GPR158: variants seen among roughly 807,000 people sequenced by gnomAD.
GPR158 encodes the protein G protein-coupled receptor 158, also known as metabotropic glycine receptor.
In GPR158, 30 loss-of-function variants were observed where a neutral mutation model predicts 78.2. The observed-to-expected ratio is 0.38, with a 90% CI of 0.29 to 0.52. The LOEUF (loss-of-function observed/expected upper bound fraction) is 0.52. Among genes scored for constraint, GPR158 ranks in the 20% least tolerant of loss-of-function variants. GPR158 has a pLI of 0.83. For missense variants in GPR158, 1,463 were observed against 1,523.5 expected, an observed-to-expected ratio of 0.96 and a Z score of 0.66; for synonymous variants, 581 against 591.1, an observed-to-expected ratio of 0.98 and a Z score of 0.25.
chr10:25,450,525 A>G (rs1451870592), intron 4 of GPR158, among the ~76,000 whole-genome samples: 2 of 150,526 alleles, frequency 1.3e-5, no homozygotes, highest in Non-Finnish European at 3.0e-5. Flanking sequence ...ACCTTCACTT[A>G]TCTTGCTTCC....
At chr10:25,360,985 G>T (rs1855630870) in intron 2 of GPR158, among the ~76,000 whole-genome samples, 1 of 151,876 alleles carries the variant, frequency 6.6e-6, no homozygotes, top group Admixed American at 6.6e-5. Context: ...CACATCCCTT[G>T]TAAGTGCGTT....
intron 2 of GPR158, among the ~76,000 whole-genome samples, chr10:25,386,002 G>A (rs1215658336): frequency 4.6e-5 from 7 of 152,116 alleles, no homozygotes; most frequent in East Asian, 1.9e-4. Context: ...TTTGTTGGTT[G>A]TGGATTTGAT....
intron 2 of GPR158, among the ~76,000 whole-genome samples, chr10:25,309,999 T>C (rs1854740595): frequency 6.6e-6 from 1 of 152,212 alleles, no homozygotes; most frequent in Non-Finnish European, 1.5e-5. Context: ...GAATCAAATG[T>C]CATGAAGCTA....
intron 4 of GPR158, among the ~76,000 whole-genome samples, chr10:25,436,219 A>C (rs2130583045): frequency 6.6e-6 from 1 of 152,364 alleles, no homozygotes; most frequent in Admixed American, 6.5e-5. Flanking sequence ...TGTATACTAA[A>C]GCATTATTTG....
intron 6 of GPR158, among the ~76,000 whole-genome samples, chr10:25,565,735 T>C (rs1836920744): frequency 6.6e-6 from 1 of 152,198 alleles, no homozygotes; most frequent in Admixed American, 6.5e-5. Flanking sequence ...CCGAGAGGCA[T>C]TTCAGCTCTA....
intron 2 of GPR158, among the ~76,000 whole-genome samples, chr10:25,344,817 A>G (rs1241959209): frequency 1.3e-5 from 2 of 151,956 alleles, no homozygotes; most frequent in Non-Finnish European, 2.9e-5. Context: ...AACAACAGAA[A>G]TTTATTTCTT....
intron 2 of GPR158, among the ~76,000 whole-genome samples, chr10:25,303,287 G>C (rs1460652052): frequency 6.6e-5 from 10 of 152,172 alleles, no homozygotes; most frequent in African/African-American, 2.2e-4. Context: ...TAGCTGCAGT[G>C]GCTTTTGGCT....
chr10:25,224,979 C>A (rs929454344), intron 2 of GPR158, among the ~76,000 whole-genome samples: 3 of 152,032 alleles, frequency 2.0e-5, no homozygotes, highest in African/African-American at 7.2e-5. Flanking sequence ...TAGATTTTGG[C>A]AACAAAAACC....
chr10:25,547,228 C>T (rs538110309), intron 5 of GPR158, among the ~76,000 whole-genome samples: 21 of 152,212 alleles, frequency 1.4e-4, no homozygotes, highest in African/African-American at 4.3e-4. Flanking sequence ...TATGCTCTTC[C>T]GTGCTGTAGC....
chr10:25,483,916 T>A (rs936709601), intron 5 of GPR158, among the ~76,000 whole-genome samples: 1 of 152,214 alleles, frequency 6.6e-6, no homozygotes, highest in East Asian at 1.9e-4. Flanking sequence ...TTGTTGAATT[T>A]CAATATAATT....
At chr10:25,495,021 G>A (rs1451399805) in intron 5 of GPR158, among the ~76,000 whole-genome samples, 2 of 152,042 alleles carry the variant, frequency 1.3e-5, no homozygotes, top group East Asian at 3.9e-4. Context: ...TGTAGTAATG[G>A]AAAGCAGTAG....
At position 25,384,599 on chromosome 10, in the gene GPR158, CTT is replaced by C. The variant is rs534974945; in HGVS notation, c.1009-11310_1009-11309del. On this transcript the variant is annotated intron_variant, in intron 2 of 10. Coordinates refer to ENST00000376351, the MANE Select transcript of GPR158 (RefSeq NM_020752.3). ...TCTAGAAGATTTGGAATTACATAAACTTTATTTATTTGATTTTTTTTTCTGAC... is the reference window on the plus strand; with the variant it reads ...TCTAGAAGATTTGGAATTACATAAACTATTTATTTGATTTTTTTTTCTGAC... 1.7e-4 allele frequency among the ~76,000 whole-genome samples: 26 copies of C among 152,150 alleles called. No homozygotes were observed. The East Asian group carries it at 3.9e-3, about 23-fold the overall frequency.
chr10:25,189,730 A>G (rs1026786026), intron 1 of GPR158, among the ~76,000 whole-genome samples: 2 of 151,920 alleles, frequency 1.3e-5, no homozygotes, highest in African/African-American at 4.8e-5. Context: ...GCACATGTAT[A>G]CATATGTAGC....
chr10:25,219,269 T>C (rs1200272667), intron 1 of GPR158, among the ~76,000 whole-genome samples: 4 of 152,244 alleles, frequency 2.6e-5, no homozygotes, highest in Non-Finnish European at 4.4e-5. Context: ...TTATGCCTTT[T>C]ACTGTTCCTT....
intron 3 of GPR158, among the ~76,000 whole-genome samples, chr10:25,409,834 A>G (rs1427365905): frequency 2.0e-5 from 3 of 152,162 alleles, no homozygotes; most frequent in South Asian, 2.1e-4. Context: ...TAAAAATATC[A>G]TAATTATTCC....
At chr10:25,263,779 A>G (rs1328078315) in intron 2 of GPR158, among the ~76,000 whole-genome samples, 2 of 152,124 alleles carry the variant, frequency 1.3e-5, no homozygotes, top group Non-Finnish European at 2.9e-5. Flanking sequence ...TCTACTAAAA[A>G]TATAGAAACC....
Position 25,333,715 on chromosome 10 carries a change from T to G in GPR158, c.1009-62196T>G, listed in dbSNP as rs187576820. Among the ~76,000 whole-genome samples, 398 of 152,310 alleles carry G rather than the reference T, an allele frequency of 2.6e-3. 2 individuals are homozygous for G. Among genetic ancestry groups the G allele is most frequent in the African/African-American group, 7.5e-3 (311 of 41,570 alleles). ...AAAATGAGAAGAGGCTAAAGACATA[T>G]TAACTAAGTATATCAGCAGTTGTCT... On this transcript the variant is annotated intron_variant, in intron 2 of 10. Transcript: ENST00000376351.
Position 25,599,369 on chromosome 10 carries a change from C to G in GPR158, c.*95C>G, listed in dbSNP as rs762122016. On this transcript the variant is annotated 3_prime_UTR_variant, in exon 11 of 11. Transcript: ENST00000376351. ...ATATTCCCAAGGAGGATTTGTCAAT[C>G]AAGGAAAACATGACAGATGGTGAGG... 1 of 985,598 alleles carries G rather than the reference C, an allele frequency of 1.0e-6. No homozygotes were observed. Among genetic ancestry groups the G allele is most frequent in the South Asian group, 1.6e-5 (1 of 60,970 alleles). The allele number at this position is 985,598 out of a possible 1,614,324, so 61.1% of individuals were successfully genotyped here. A position where few individuals can be genotyped will look rare whatever the true frequency, so the allele number is the denominator to read the frequency against.
At chr10:25,432,274 G>A (rs1834920651) in intron 4 of GPR158, among the ~76,000 whole-genome samples, 1 of 90,828 alleles carries the variant, frequency 1.1e-5, no homozygotes, top group Non-Finnish European at 2.8e-5. Flanking sequence ...GCAATGGCAT[G>A]TACGTCCATA....
Sources: gnomAD v4.1 joint callset for allele counts (sites outside exome capture counted in the v4.1 genomes callset) on GRCh38, gnomAD v4.1.1 for gene constraint, MANE v1.5 for transcripts, NCBI Gene and HGNC (gene_info 2026-07-23, HGNC 2026-07-21) for gene names.